The following MLF1 variants were observed in gnomAD, a reference collection of about 807,000 sequenced individuals.
The protein encoded by MLF1 is myelodysplasia-myeloid leukemia factor 1.
MLF1 carries 37 observed loss-of-function variants against 38.3 expected under a neutral mutation model. That is an observed-to-expected ratio of 0.96 (90% confidence interval 0.74 to 1.27). The LOEUF is 1.27. MLF1 is among the 50% of genes most tolerant of loss of function. MLF1 has a pLI of 0.00. For synonymous variants in MLF1, 95 were observed against 106.5 expected, an observed-to-expected ratio of 0.89 and a Z score of 0.66; for missense variants, 331 against 349.2, an observed-to-expected ratio of 0.95 and a Z score of 0.42.
chr3:158,593,403 C>T lies in MLF1; in HGVS notation c.217C>T (p.Pro73Ser), dbSNP rs536929456. 1 of 1,560,674 alleles carries T rather than the reference C, an allele frequency of 6.4e-7. No individual in the cohort carries two copies. Among genetic ancestry groups the T allele is most frequent in the South Asian group, 1.2e-5 (1 of 85,152 alleles). Residue 73 changes from proline (P) to serine (S), a missense_variant, in exon 3 of 8, where the codon CCT becomes TCT. By Grantham distance (74) the Pro-to-Ser change is moderately conservative (BLOSUM62 -1). Coordinates refer to ENST00000466246, the MANE Select transcript of MLF1 (RefSeq NM_001369783.1). Reference sequence around the variant, plus strand: ...CCAGGCAACGAGTTGTTCTCTTGTGCCTTTTGGCGATTTTGGTGGTATGGT... The same window carrying T: ...CCAGGCAACGAGTTGTTCTCTTGTGTCTTTTGGCGATTTTGGTGGTATGGT... ...SLTATSCSLV[P>S]FGDFGGMHTD...
chr3:158,572,355 TTGG>T (rs146207529), intron 1 of MLF1, among the ~76,000 whole-genome samples: 2,308 of 86,950 alleles, frequency 0.027, 105 homozygotes, highest in African/African-American at 0.11. Context: ...AGGGCGTGAG[TTGG>T]TGGGGAGGGT....
At chr3:158,583,376 A>T (rs571355993) in intron 1 of MLF1, among the ~76,000 whole-genome samples, 1 of 152,292 alleles carries the variant, frequency 6.6e-6, no homozygotes, top group Non-Finnish European at 1.5e-5. Context: ...TGACATGTTG[A>T]TCTCAGACTT....
intron 6 of MLF1, 112 bp from the exon 7 acceptor site, chr3:158,602,695 T>C (rs891676147): frequency 5.1e-6 from 5 of 977,714 alleles, no homozygotes; most frequent in Admixed American, 2.8e-5. Flanking sequence ...TGCCTCTGTA[T>C]TGAGGTTACA....
At chr3:158,600,260 T>C (rs1337221481) in intron 6 of MLF1, 87 bp downstream of exon 6, 1 of 738,280 alleles carries the variant, frequency 1.4e-6, no homozygotes, top group African/African-American at 1.8e-5. Context: ...AAACATGTCA[T>C]AAGATGTAGT....
At position 158,583,835 on chromosome 3, in the gene MLF1, G is replaced by A. The variant is rs141146344; in HGVS notation, c.48-8599G>A. On this transcript the variant is annotated intron_variant, in intron 1 of 7. Transcript: ENST00000466246. ...AGAACCAACACTTAAGGAATCAAAAGTTAATGAAACAAAGAAGATTCTAGA... is the reference window on the plus strand; with the variant it reads ...AGAACCAACACTTAAGGAATCAAAAATTAATGAAACAAAGAAGATTCTAGA... 4.8e-4 allele frequency among the ~76,000 whole-genome samples: 73 copies of A among 152,276 alleles called. No homozygotes were observed. In the South Asian group the frequency reaches 0.012, roughly 25 times the overall value.
At chr3:158,574,057 C>A (rs1576636238) in intron 1 of MLF1, among the ~76,000 whole-genome samples, 1 of 152,174 alleles carries the variant, frequency 6.6e-6, no homozygotes, top group East Asian at 1.9e-4. Context: ...CCTCGGCCTC[C>A]CAAAATGCTG....
At chr3:158,601,027 A>C (rs1374028305) in intron 6 of MLF1, among the ~76,000 whole-genome samples, 3 of 151,846 alleles carry the variant, frequency 2.0e-5, no homozygotes, top group East Asian at 3.8e-4. Flanking sequence ...AATTGTATTA[A>C]TTCAATAATG....
chr3:158,588,300 A>C lies in MLF1; in HGVS notation c.48-4134A>C, dbSNP rs147517335. On this transcript the variant is annotated intron_variant, in intron 1 of 7. Coordinates refer to ENST00000466246, the MANE Select transcript of MLF1 (RefSeq NM_001369783.1). The stretch of plus-strand genomic sequence containing the variant: ...CCCACCTAAACTGCTCCTGATTCCT[A>C]ATCAACAGAAATTGTGACATAACAA... Among the ~76,000 whole-genome samples the C allele has an allele frequency of 5.3e-5, 8 of 152,344 alleles. No homozygotes were observed. In the East Asian group the frequency reaches 1.5e-3, roughly 29 times the overall value.
chr3:158,581,427 G>GC (rs1224258992), intron 1 of MLF1, among the ~76,000 whole-genome samples: 2 of 152,180 alleles, frequency 1.3e-5, no homozygotes, highest in African/African-American at 4.8e-5. Flanking sequence ...AGCCCAGTCT[G>GC]CCTGGGGGAA....
intron 1 of MLF1, among the ~76,000 whole-genome samples, chr3:158,586,195 A>G (rs1012252003): frequency 1.3e-5 from 2 of 151,684 alleles, no homozygotes; most frequent in Non-Finnish European, 2.9e-5. Flanking sequence ...AAAAAGGGCA[A>G]TTTGGTGGTT....
At chr3:158,589,467 C>T (rs1229113843) in intron 1 of MLF1, among the ~76,000 whole-genome samples, 1 of 152,108 alleles carries the variant, frequency 6.6e-6, no homozygotes, top group Non-Finnish European at 1.5e-5. Flanking sequence ...ACCTCGGCCT[C>T]CCAAAGTGCT....
At chr3:158,587,605 G>A (rs899314849) in intron 1 of MLF1, among the ~76,000 whole-genome samples, 1 of 152,206 alleles carries the variant, frequency 6.6e-6, no homozygotes, top group African/African-American at 2.4e-5. Context: ...ATGCCTTTAT[G>A]TAATCTCCCC....
In MLF1 at chr3:158,591,613, A is replaced by G. The variant is rs1576670978; in HGVS notation, c.48-821A>G. Among the ~76,000 whole-genome samples, 6 of 152,310 alleles carry G rather than the reference A, an allele frequency of 3.9e-5. No homozygotes were observed. The South Asian group carries it at 1.2e-3, about 32-fold the overall frequency. On this transcript the variant is annotated intron_variant, in intron 1 of 7. Transcript: ENST00000466246. ...AGGGAGTTCCACTGGGCTGCAGGAA[A>G]GCATAAGATTGCCTTGGTAAAGTGA...
intron 1 of MLF1, among the ~76,000 whole-genome samples, chr3:158,587,317 G>A (rs1382292395): frequency 6.6e-6 from 1 of 152,168 alleles, no homozygotes; most frequent in African/African-American, 2.4e-5. Context: ...ACATTTTAAT[G>A]TCATTCATTT....
At position 158,596,921 on chromosome 3, in the gene MLF1, T is replaced by C. The variant is rs1362583005; in HGVS notation, c.300T>C (p.Tyr100=). 5.6e-6 allele frequency: 9 copies of C among 1,607,988 alleles called. No homozygotes were observed. The highest frequency in any genetic ancestry group is 7.7e-6 in the Non-Finnish European group (9 of 1,175,952). The change falls in exon 4 of 8, where the codon TAT becomes TAC. Residue 100 remains tyrosine (Y), a synonymous_variant. Transcript: ENST00000466246. Reference sequence around the variant, plus strand: ...AAATGGTGTCAAATATGAGAAACTATATGCAGAAATTAGAAAGAAACTTCG... The same window carrying C: ...AAATGGTGTCAAATATGAGAAACTACATGCAGAAATTAGAAAGAAACTTCG... ...MDQMVSNMRN[Y]MQKLERNFGQ...
chr3:158,600,896 T>C (rs964747643), intron 6 of MLF1, among the ~76,000 whole-genome samples: 5 of 151,746 alleles, frequency 3.3e-5, no homozygotes, highest in Admixed American at 6.6e-5. Flanking sequence ...ATTTACATCC[T>C]TCTAGTGTCC....
intron 1 of MLF1, among the ~76,000 whole-genome samples, chr3:158,589,456 C>T (rs1717803661): frequency 6.6e-6 from 1 of 151,982 alleles, no homozygotes; most frequent in Admixed American, 6.6e-5. Context: ...GTGATCCACC[C>T]ACCTCGGCCT....
chr3:158,586,078 T>C (rs1224640863), intron 1 of MLF1, among the ~76,000 whole-genome samples: 20 of 151,670 alleles, frequency 1.3e-4, no homozygotes, highest in Admixed American at 1.3e-4. Context: ...GCAGGAGAAT[T>C]GCTTGAACCC....
chr3:158,593,186 C>A (rs1258408167), intron 2 of MLF1, among the ~76,000 whole-genome samples, 196 bp from the exon 3 acceptor site: 1 of 150,792 alleles, frequency 6.6e-6, no homozygotes, highest in South Asian at 2.1e-4. Context: ...TTCTTTTTTG[C>A]CTCTTTTATT....
Sources: allele counts gnomAD v4.1 joint callset (sites outside exome capture counted in the v4.1 genomes callset), GRCh38; gene constraint gnomAD v4.1.1; transcripts MANE v1.5; gene names NCBI Gene and HGNC (gene_info 2026-07-23, HGNC 2026-07-21).